Variants in SPMIP1 observed in about 807,000 individuals in gnomAD.
SPMIP1 encodes protein SPMIP1.
chr7:128,869,058 T>A, the SPMIP1 span: 1 of 410,600 alleles, frequency 2.4e-6, no homozygotes, highest in Non-Finnish European at 4.3e-6. Flanking sequence ...ACACAGTAGT[T>A]CCAGGAAGTT....
chr7:128,867,707 G>T, the SPMIP1 span, among the ~76,000 whole-genome samples: 1 of 152,172 alleles, frequency 6.6e-6, no homozygotes, highest in African/African-American at 2.4e-5. Flanking sequence ...GAGTAGCTGG[G>T]ACTGCAGGCG....
At chr7:128,867,448 A>G in the SPMIP1 span, among the ~76,000 whole-genome samples, 16,803 of 152,200 alleles carry the variant, frequency 0.11, 1,004 homozygotes, top group Non-Finnish European at 0.13. Flanking sequence ...AACAGGTCCT[A>G]TTTAGCCATG....
chr7:128,871,872 T>G, the SPMIP1 span: 1 of 152,234 alleles, frequency 6.6e-6, no homozygotes, highest in Non-Finnish European at 1.5e-5. Context: ...ACTAGAAAAT[T>G]TATTTCTCTG....
the SPMIP1 span, chr7:128,868,666 G>GC: frequency 6.5e-6 from 10 of 1,531,508 alleles, no homozygotes; most frequent in East Asian, 9.8e-5. Flanking sequence ...CTTTTCCCAG[G>GC]CCCCCCAGTG....
the SPMIP1 span, chr7:128,869,044 G>A: frequency 2.4e-6 from 1 of 422,714 alleles, no homozygotes; most frequent in Non-Finnish European, 4.2e-6. Context: ...TCAGCACCAG[G>A]GGAACACAGT....
At chr7:128,868,845 G>T in the SPMIP1 span, 5 of 999,474 alleles carry the variant, frequency 5.0e-6, no homozygotes, top group Non-Finnish European at 7.4e-6. Flanking sequence ...CAAAGCTGCT[G>T]TGTGTGTCTG....
the SPMIP1 span, chr7:128,871,797 TAATTGCCAC>T: frequency 3.9e-5 from 6 of 152,218 alleles, no homozygotes; most frequent in Admixed American, 2.0e-4. Flanking sequence ...CCTTTAGAAA[TAATTGCCAC>T]AAACTGCAAA....
the SPMIP1 span, chr7:128,871,277 C>T: frequency 6.6e-6 from 1 of 152,228 alleles, no homozygotes; most frequent in African/African-American, 2.4e-5. Context: ...TCAAGACCAC[C>T]ACAGGAGGCC....
the SPMIP1 span, chr7:128,866,513 C>T: frequency 1.2e-5 from 19 of 1,535,916 alleles, no homozygotes; most frequent in Admixed American, 2.5e-4. Context: ...AAGTATGGGT[C>T]GATGGTGAAG....
At chr7:128,867,546 G>A in the SPMIP1 span, among the ~76,000 whole-genome samples, 2 of 152,056 alleles carry the variant, frequency 1.3e-5, no homozygotes, top group African/African-American at 4.8e-5. Flanking sequence ...ATGCAAATTC[G>A]GAGGTCATTG....
chr7:128,867,654 C>A, the SPMIP1 span, among the ~76,000 whole-genome samples: 3 of 152,152 alleles, frequency 2.0e-5, no homozygotes, highest in Admixed American at 2.0e-4. Context: ...TCACTGCAAC[C>A]TCTGCCTCCC....
the SPMIP1 span, among the ~76,000 whole-genome samples, chr7:128,867,645 C>T: frequency 1.3e-5 from 2 of 152,078 alleles, no homozygotes; most frequent in African/African-American, 2.4e-5. Flanking sequence ...GATCTTGGCT[C>T]ACTGCAACCT....
At chr7:128,867,973 T>C in the SPMIP1 span, among the ~76,000 whole-genome samples, 4,218 of 152,244 alleles carry the variant, frequency 0.028, 94 homozygotes, top group Non-Finnish European at 0.038. Flanking sequence ...GGGGATGTCA[T>C]TGGCAGGAAG....
At chr7:128,866,696 G>C in the SPMIP1 span, 1 of 1,423,916 alleles carries the variant, frequency 7.0e-7, no homozygotes, top group Non-Finnish European at 9.3e-7. Context: ...CCTATCACCC[G>C]AGCCCTGCTG....
At chr7:128,866,533 A>G in the SPMIP1 span, 137 of 1,535,804 alleles carry the variant, frequency 8.9e-5, no homozygotes, top group Non-Finnish European at 1.2e-4. Flanking sequence ...GGCCAAGCAG[A>G]AGGCTAAGGC....
the SPMIP1 span, chr7:128,868,716 T>G: frequency 2.0e-6 from 3 of 1,535,886 alleles, no homozygotes; most frequent in Non-Finnish European, 2.6e-6. Flanking sequence ...CCGCATTGAG[T>G]CATTCTTCCG....
At chr7:128,867,714 G>C in the SPMIP1 span, among the ~76,000 whole-genome samples, 1 of 152,184 alleles carries the variant, frequency 6.6e-6, no homozygotes, top group Non-Finnish European at 1.5e-5. Flanking sequence ...TGGGACTGCA[G>C]GCGTGTGTCA....
the SPMIP1 span, chr7:128,870,133 G>A: frequency 1.3e-5 from 2 of 152,298 alleles, no homozygotes; most frequent in African/African-American, 2.4e-5. Context: ...GCGTCAGCGT[G>A]GTAGTCCTTC....
the SPMIP1 span, chr7:128,868,840 C>A: frequency 8.9e-7 from 1 of 1,121,606 alleles, no homozygotes; most frequent in Non-Finnish European, 1.3e-6. Flanking sequence ...TGGGGCAAAG[C>A]TGCTGTGTGT....
Sources: allele counts gnomAD v4.1 joint callset (sites outside exome capture counted in the v4.1 genomes callset), GRCh38; gene constraint gnomAD v4.1.1; transcripts MANE v1.5; gene names NCBI Gene and HGNC (gene_info 2026-07-23, HGNC 2026-07-21).